Variants in ZNF136 observed in about 807,000 individuals in gnomAD.
ZNF136 encodes the protein zinc finger protein 136.
A neutral mutation model predicts 11.4 loss-of-function variants in ZNF136; 8 were observed. The ratio of observed to expected loss-of-function variants is 0.70; its 90% CI spans 0.41 to 1.27. The LOEUF is 1.27. ZNF136 is among the 50% of genes most tolerant of loss of function. The pLI is 0.01. For missense variants in ZNF136, 590 were observed against 656.5 expected (o/e 0.90, Z 1.11); for synonymous variants, 190 against 207.1 (o/e 0.92, Z 0.71).
chr19:12,171,826 A>G (rs1914661382), intron 1 of ZNF136, among the ~76,000 whole-genome samples: 1 of 152,056 alleles, frequency 6.6e-6, no homozygotes, highest in Non-Finnish European at 1.5e-5. Context: ...GTAAGAGAAC[A>G]TTCTAGAGAG....
chr19:12,171,561 C>T lies in ZNF136; in HGVS notation c.3+8355C>T, dbSNP rs534199298. On this transcript the variant is annotated intron_variant, in intron 1 of 3. Transcript: ENST00000343979. ...CATTTGTATATTTATTGCTTCATTT[C>T]TTCCCTTTTTTCTTTTTTTAACTTA... Among the ~76,000 whole-genome samples the T allele has an allele frequency of 1.1e-4, 16 of 152,144 alleles. No homozygotes were observed. The South Asian group carries it at 3.1e-3, about 30-fold the overall frequency.
chr19:12,181,036 C>G (rs1914926995), intron 1 of ZNF136, among the ~76,000 whole-genome samples: 1 of 152,220 alleles, frequency 6.6e-6, no homozygotes, highest in African/African-American at 2.4e-5. Flanking sequence ...TGCCCCCAAC[C>G]TCACCCCACC....
chr19:12,165,220 G>A (rs1977169824), intron 1 of ZNF136, among the ~76,000 whole-genome samples: 1 of 152,194 alleles, frequency 6.6e-6, no homozygotes, highest in Non-Finnish European at 1.5e-5. Context: ...GTAATGCAGT[G>A]TCTCTTGGGC....
At position 12,185,846 on chromosome 19, in the gene ZNF136, A is replaced by G. The variant is rs776078527; in HGVS notation, c.65A>G (p.Asp22Gly). The change falls in exon 2 of 4, where the codon GAT becomes GGT. Residue 22 changes from aspartate (D) to glycine (G), a missense_variant. Asp to Gly is a moderately conservative substitution (Grantham distance 94). Transcript: ENST00000343979. Reference sequence around the variant, plus strand: ...ACCCAGGAGGAGTGGGCTTTGCTAGATCCTTCCCAGAAGAATCTCTACAGA... The same window carrying G: ...ACCCAGGAGGAGTGGGCTTTGCTAGGTCCTTCCCAGAAGAATCTCTACAGA... ...NFTQEEWALL[D>G]PSQKNLYRDV... 3.1e-6 allele frequency: 5 copies of G among 1,613,988 alleles called. No homozygotes were observed. Among genetic ancestry groups the G allele is most frequent in the South Asian group, 1.1e-5 (1 of 91,070 alleles).
At chr19:12,177,765 A>G (rs1378255929) in intron 1 of ZNF136, among the ~76,000 whole-genome samples, 1 of 152,196 alleles carries the variant, frequency 6.6e-6, no homozygotes, top group African/African-American at 2.4e-5. Context: ...TGTCTTTGTC[A>G]TTTATATTTG....
At chr19:12,168,736 C>T (rs933956026) in intron 1 of ZNF136, among the ~76,000 whole-genome samples, 6 of 151,838 alleles carry the variant, frequency 4.0e-5, no homozygotes, top group African/African-American at 1.5e-4. Flanking sequence ...AATGCAATGG[C>T]AGGATCTCGG....
chr19:12,166,057 G>A (rs974516576), intron 1 of ZNF136, among the ~76,000 whole-genome samples: 26 of 151,896 alleles, frequency 1.7e-4, no homozygotes, highest in Non-Finnish European at 3.4e-4. Flanking sequence ...GTGAAAACTC[G>A]TCTCTGCTAA....
chr19:12,180,763 A>G (rs2145637712), intron 1 of ZNF136, among the ~76,000 whole-genome samples: 1 of 152,318 alleles, frequency 6.6e-6, no homozygotes, highest in South Asian at 2.1e-4. Context: ...AGATATAGGT[A>G]TGGCTTATTG....
At chr19:12,165,778 AT>A (rs1977177155) in intron 1 of ZNF136, among the ~76,000 whole-genome samples, 1 of 152,178 alleles carries the variant, frequency 6.6e-6, no homozygotes, top group South Asian at 2.1e-4. Flanking sequence ...CTTCACAATA[AT>A]TCTTTTGTGT....
intron 1 of ZNF136, among the ~76,000 whole-genome samples, chr19:12,181,946 T>A (rs1000168874): frequency 2.0e-5 from 3 of 151,948 alleles, no homozygotes; most frequent in Admixed American, 2.0e-4. Context: ...TTTTTTTGTG[T>A]TTTTTAGTAG....
chr19:12,187,940 GAC>G lies in ZNF136; in HGVS notation c.1566_1567del (p.Met523ValfsTer5), dbSNP rs776127238. On this transcript the variant is annotated frameshift_variant, in exon 4 of 4. Transcript: ENST00000343979. LOFTEE classifies it low-confidence loss of function (END_TRUNC). ...TATTCTTGCCGTGCCAGCTTTCAGA[GAC>G]ACATGTTAACACATGCTGAAGATGG... The G allele has an allele frequency of 4.5e-6, 7 of 1,564,226 alleles. No homozygotes were observed. In the East Asian group the frequency reaches 8.9e-5, roughly 20 times the overall value.
At chr19:12,176,473 C>T (rs271190) in intron 1 of ZNF136, among the ~76,000 whole-genome samples, 1,619 of 152,102 alleles carry the variant, frequency 0.011, 31 homozygotes, top group African/African-American at 0.037. Context: ...ATTACAGGCG[C>T]TTGCCACCAC....
intron 1 of ZNF136, 170 bp from the exon 2 acceptor site, chr19:12,185,615 T>C: frequency 2.5e-6 from 2 of 784,362 alleles, no homozygotes; most frequent in Non-Finnish European, 1.9e-6. Flanking sequence ...ACCCGATAGT[T>C]CCATTCTAGT....
intron 1 of ZNF136, chr19:12,185,175 G>A (rs1333895612): frequency 1.3e-5 from 2 of 152,210 alleles, no homozygotes; most frequent in Non-Finnish European, 2.9e-5. Flanking sequence ...TTCTAAGGAA[G>A]GAATGATAAC....
chr19:12,176,234 T>G (rs1914789079), intron 1 of ZNF136, among the ~76,000 whole-genome samples: 1 of 152,076 alleles, frequency 6.6e-6, no homozygotes, highest in African/African-American at 2.4e-5. Flanking sequence ...ATGGGATGGG[T>G]TGTAAAGAAT....
chr19:12,164,047 T>C (rs1448449742), intron 1 of ZNF136, among the ~76,000 whole-genome samples: 1 of 152,140 alleles, frequency 6.6e-6, no homozygotes, highest in East Asian at 1.9e-4. Flanking sequence ...GCCAAGTCTC[T>C]TGGAGGATCT....
chr19:12,186,919 A>G lies in ZNF136; in HGVS notation c.541A>G (p.Lys181Glu), dbSNP rs1915112075. Residue 181 changes from lysine (K) to glutamate (E), a missense_variant, in exon 4 of 4, where the codon AAA (lysine) becomes GAA (glutamate). Physicochemically the swap from Lys to Glu is moderately conservative, Grantham distance 56. Coordinates refer to ENST00000343979, the MANE Select transcript of ZNF136 (RefSeq NM_003437.5). ...KECGKTFFSL[K>E]RIRRHIITHS... ...ATGTGGAAAAACCTTCTTTTCTCTC[A>G]AAAGAATTAGAAGACACATCATCAC... 3 of 1,613,944 alleles carry G rather than the reference A, an allele frequency of 1.9e-6. No individual in the cohort carries two copies. In the South Asian group the frequency reaches 3.3e-5, roughly 18 times the overall value.
intron 1 of ZNF136, among the ~76,000 whole-genome samples, chr19:12,183,380 C>T (rs949703667): frequency 1.1e-4 from 16 of 152,128 alleles, no homozygotes; most frequent in Non-Finnish European, 1.6e-4. Flanking sequence ...AAGTGATCCT[C>T]CTACCTTGGC....
chr19:12,180,615 C>T lies in ZNF136; in HGVS notation c.4-5170C>T, dbSNP rs547580768. 2.0e-3 allele frequency among the ~76,000 whole-genome samples: 302 copies of T among 152,198 alleles called. 1 individual carries two copies. The highest frequency in any genetic ancestry group is 6.8e-3 in the African/African-American group (281 of 41,544). ...GCAACATCAGTGAGTGAAGAAATGT[C>T]ACCATCGGTCATTTATATTTCCACC... On this transcript the variant is annotated intron_variant, in intron 1 of 3. Transcript: ENST00000343979.
Sources: allele counts gnomAD v4.1 joint callset (sites outside exome capture counted in the v4.1 genomes callset), GRCh38; gene constraint gnomAD v4.1.1; transcripts MANE v1.5; gene names NCBI Gene and HGNC (gene_info 2026-07-23, HGNC 2026-07-21).